EPS8: variants seen among roughly 807,000 people sequenced by gnomAD.
EPS8 encodes the protein epidermal growth factor receptor kinase substrate 8.
Under a neutral mutation model 103.8 loss-of-function variants are expected in EPS8, and 42 were observed. The observed-to-expected ratio is 0.40, with a 90% confidence interval of 0.32 to 0.52. The LOEUF is 0.52. Ranked by LOEUF, EPS8 falls within the 20% of genes least tolerant of loss-of-function variation. EPS8 has a pLI of 0.40. For synonymous variants in EPS8, 344 were observed against 344.6 expected (o/e 1.00, Z 0.02); for missense variants, 969 against 1,005.1 (o/e 0.96, Z 0.49).
chr12:15,730,973 A>AT lies in EPS8; in HGVS notation c.-21-48002dup, dbSNP rs372653479. Among the ~76,000 whole-genome samples the AT allele has an allele frequency of 1.4e-3, 214 of 152,350 alleles. 1 individual carries two copies. Among genetic ancestry groups the AT allele is most frequent in the African/African-American group, 5.0e-3 (206 of 41,586 alleles). ...GCACACAAGGTCTATTAGATGTTAA[A>AT]TACTGCTTTAAAAATAGATTCACAG... On this transcript the variant is annotated intron_variant, in intron 1 of 20. Coordinates refer to ENST00000281172, the MANE Select transcript of EPS8 (RefSeq NM_004447.6).
chr12:15,639,921 C>T (rs562987301), intron 17 of EPS8, among the ~76,000 whole-genome samples: 8 of 152,258 alleles, frequency 5.3e-5, no homozygotes, highest in African/African-American at 1.7e-4. Flanking sequence ...GAGAAGCCAC[C>T]CCAGGTTCAC....
intron 3 of EPS8, among the ~76,000 whole-genome samples, chr12:15,676,785 G>A (rs1304133373): frequency 6.6e-6 from 1 of 152,164 alleles, no homozygotes; most frequent in Non-Finnish European, 1.5e-5. Flanking sequence ...GTGTTACGGT[G>A]TCAGTGACAA....
In EPS8 at chr12:15,713,764, C is replaced by T. The variant is rs553092131; in HGVS notation, c.-21-30792G>A. Among the ~76,000 whole-genome samples the T allele has an allele frequency of 2.0e-5, 3 of 152,158 alleles. No individual in the cohort carries two copies. Among genetic ancestry groups the T allele is most frequent in the East Asian group, 1.9e-4 (1 of 5,184 alleles). ...TATCCTCATAGTTAAAAAATGGTGT[C>T]GGGGAGGAGAAATTCACTCATAGTC... On this transcript the variant is annotated intron_variant, in intron 1 of 20. Coordinates refer to ENST00000281172, the MANE Select transcript of EPS8 (RefSeq NM_004447.6). The surrounding 1 kb of genome is among the most constrained non-coding windows in gnomAD (Gnocchi z 4.8).
chr12:15,768,476 GTGAGA>G (rs1464447979), intron 1 of EPS8, among the ~76,000 whole-genome samples: 7 of 146,444 alleles, frequency 4.8e-5, no homozygotes, highest in African/African-American at 1.8e-4. Context: ...AGCAGAGGTA[GTGAGA>G]TAAGTTCCCC....
intron 7 of EPS8, among the ~76,000 whole-genome samples, chr12:15,666,168 C>T (rs1441574823): frequency 6.6e-6 from 1 of 152,074 alleles, no homozygotes; most frequent in East Asian, 1.9e-4. Flanking sequence ...CTTGTATTTC[C>T]CTAGGATACC....
rs766289701 is a variant in EPS8, at chr12:15,704,432, G to C, written c.-21-21460C>G. ...CATCTCTCATACATACTACAACATG[G>C]ATGAACCCTGAAGCCATTACACTAA... On this transcript the variant is annotated intron_variant, in intron 1 of 20. Transcript: ENST00000281172. This position sits in a 1 kb window ranked among gnomAD's most constrained non-coding sequence, Gnocchi z 4.6. 6.6e-6 allele frequency among the ~76,000 whole-genome samples: 1 copy of C among 152,116 alleles called. No homozygotes were observed. The highest frequency in any genetic ancestry group is 1.5e-5 in the Non-Finnish European group (1 of 68,024).
chr12:15,663,986 C>CAT (rs1555112265), intron 8 of EPS8, among the ~76,000 whole-genome samples: 10 of 125,988 alleles, frequency 7.9e-5, no homozygotes, highest in African/African-American at 3.0e-4. Context: ...TACACACACA[C>CAT]ATATATATAT....
In EPS8 at chr12:15,730,260, T is replaced by C. The variant is rs146164054; in HGVS notation, c.-21-47288A>G. 1.6e-3 allele frequency among the ~76,000 whole-genome samples: 248 copies of C among 152,300 alleles called. 1 individual carries two copies. The highest frequency in any genetic ancestry group is 4.3e-3 in the African/African-American group (180 of 41,568). On this transcript the variant is annotated intron_variant, in intron 1 of 20. Coordinates refer to ENST00000281172, the MANE Select transcript of EPS8 (RefSeq NM_004447.6). ...TATGAAATAGGTATGATAATCATGA[T>C]TTTACAACAGAAGAAATAAAAGCTC...
Position 15,714,512 on chromosome 12 carries a change from C to G in EPS8, c.-21-31540G>C, listed in dbSNP as rs1277937117. Among the ~76,000 whole-genome samples, 1 of 152,112 alleles carries G rather than the reference C, an allele frequency of 6.6e-6. No homozygotes were observed. Among genetic ancestry groups the G allele is most frequent in the Non-Finnish European group, 1.5e-5 (1 of 68,026 alleles). Reference sequence around the variant, plus strand: ...CAGCAATCAGCCAAGCATGGTGGTACACACCAGCAGTCCTAGATGCTCATG... The same window carrying G: ...CAGCAATCAGCCAAGCATGGTGGTAGACACCAGCAGTCCTAGATGCTCATG... On this transcript the variant is annotated intron_variant, in intron 1 of 20. Coordinates refer to ENST00000281172, the MANE Select transcript of EPS8 (RefSeq NM_004447.6). This position sits in a 1 kb window ranked among gnomAD's most constrained non-coding sequence, Gnocchi z 4.1.
chr12:15,631,807 G>A, intron 17 of EPS8, 143 bp from the exon 18 acceptor site: 1 of 612,780 alleles, frequency 1.6e-6, no homozygotes. Context: ...ATCCTATATG[G>A]TATAATGACC....
intron 1 of EPS8, among the ~76,000 whole-genome samples, chr12:15,726,313 G>A (rs577280366): frequency 1.3e-5 from 2 of 152,108 alleles, no homozygotes; most frequent in African/African-American, 2.4e-5. Context: ...TGGGATTTAC[G>A]GAGGGGGCTG....
chr12:15,634,091 C>T (rs1014459505), intron 17 of EPS8, among the ~76,000 whole-genome samples: 1 of 152,190 alleles, frequency 6.6e-6, no homozygotes, highest in Non-Finnish European at 1.5e-5. Flanking sequence ...CCTGAACCAA[C>T]GTACTGAAGC....
chr12:15,638,548 T>G (rs547210037), intron 17 of EPS8, among the ~76,000 whole-genome samples: 30 of 152,344 alleles, frequency 2.0e-4, no homozygotes, highest in African/African-American at 7.0e-4. Context: ...CACACACCAC[T>G]ACATTTGTAG....
At chr12:15,705,516 C>A (rs1267977533) in intron 1 of EPS8, among the ~76,000 whole-genome samples, 1 of 152,076 alleles carries the variant, frequency 6.6e-6, no homozygotes, top group Non-Finnish European at 1.5e-5. Flanking sequence ...GTGATTTCAA[C>A]AAATTTTAAC....
At position 15,730,656 on chromosome 12, in the gene EPS8, C is replaced by T. The variant is rs565095977; in HGVS notation, c.-21-47684G>A. 9.2e-5 allele frequency among the ~76,000 whole-genome samples: 14 copies of T among 152,296 alleles called. No individual in the cohort carries two copies. In the South Asian group the frequency reaches 2.9e-3, roughly 32 times the overall value. ...CTCTTTACCCTGGCATATGACTACT[C>T]AATCTTCTCTGTATTTGCTTCCTGT... On this transcript the variant is annotated intron_variant, in intron 1 of 20. Transcript: ENST00000281172.
In EPS8 at chr12:15,706,888, T is replaced by C. The variant is rs148182654; in HGVS notation, c.-21-23916A>G. ...TTTATACAAATGCCCATATTTGATA[T>C]CTAGTTAGCAAGCCAGACAAGCTTA... is the stretch of plus-strand genomic sequence containing the variant. On this transcript the variant is annotated intron_variant, in intron 1 of 20. Transcript: ENST00000281172. This position sits in a 1 kb window ranked among gnomAD's most constrained non-coding sequence, Gnocchi z 5.2. Among the ~76,000 whole-genome samples the C allele has an allele frequency of 4.8e-4, 73 of 152,314 alleles. No homozygotes were observed. Among genetic ancestry groups the C allele is most frequent in the South Asian group, 8.3e-4 (4 of 4,828 alleles).
intron 17 of EPS8, among the ~76,000 whole-genome samples, chr12:15,634,539 C>T (rs754668265): frequency 1.3e-5 from 2 of 152,096 alleles, no homozygotes; most frequent in Admixed American, 6.6e-5. Flanking sequence ...CAAGTAAGCG[C>T]AACAAAGCCA....
At chr12:15,665,239 C>A (rs1402212256) in intron 8 of EPS8, 1 of 153,514 alleles carries the variant, frequency 6.5e-6, no homozygotes, top group Non-Finnish European at 1.4e-5. Flanking sequence ...AAGACTCTAA[C>A]CCTAATACCA....
Position 15,676,259 on chromosome 12 carries a change from CAAAAAAAAAAAA to C in EPS8, c.136+4955_136+4966del, listed in dbSNP as rs888576581. Among the ~76,000 whole-genome samples, 18 of 16,336 alleles carry C rather than the reference CAAAAAAAAAAAA, an allele frequency of 1.1e-3. No individual in the cohort carries two copies. In the South Asian group the frequency reaches 0.015, roughly 14 times the overall value. 10.7% of individuals were successfully genotyped at this position (16,336 alleles called of 152,430 possible). A position where few individuals can be genotyped will look rare whatever the true frequency, so the allele number is the denominator to read the frequency against. On this transcript the variant is annotated intron_variant, in intron 3 of 20. Transcript: ENST00000281172. ...TGGGCGACAGGGCAAGACTCCATCT[CAAAAAAAAAAAA>C]AAAAAAAAAAAAAAGACTCTCAAGT... is the stretch of plus-strand genomic sequence containing the variant.
Sources: gnomAD v4.1 joint callset for allele counts (sites outside exome capture counted in the v4.1 genomes callset) on GRCh38, gnomAD v4.1.1 for gene constraint, Gnocchi (gnomAD v3.1) non-coding constraint, MANE v1.5 for transcripts, NCBI Gene and HGNC (gene_info 2026-07-23, HGNC 2026-07-21) for gene names.